Variants in LRRC75A observed in about 807,000 individuals in gnomAD.
LRRC75A encodes the protein leucine-rich repeat-containing protein 75A.
In LRRC75A, 12 loss-of-function variants were observed where a neutral mutation model predicts 26.0. The observed-to-expected ratio is 0.46, with a 90% CI of 0.30 to 0.75. The LOEUF is 0.75. Among genes scored for constraint, LRRC75A ranks in the 30% least tolerant of loss-of-function variants. The probability of loss-of-function intolerance (pLI) is 0.08; values close to 1 mark genes in which losing one functional copy is unlikely to be tolerated. For missense variants in LRRC75A, 410 were observed against 486.6 expected (o/e 0.84, Z 1.48); for synonymous variants, 223 against 219.3 (o/e 1.02, Z -0.15).
At chr17:16,446,946 G>T (rs1470523304) in intron 3 of LRRC75A, 1 of 297,398 alleles carries the variant, frequency 3.4e-6, no homozygotes, top group Non-Finnish European at 6.3e-6. Context: ...GGGGTGGGGG[G>T]CGGGTCCAGA....
intron 2 of LRRC75A, among the ~76,000 whole-genome samples, chr17:16,456,397 AAGG>A (rs751063671): frequency 7.6e-5 from 8 of 105,372 alleles, no homozygotes; most frequent in African/African-American, 2.6e-4. Flanking sequence ...GAAGAAGGAA[AAGG>A]AGGAAGAGGA....
At chr17:16,471,696 C>G (rs1468654589) in intron 1 of LRRC75A, among the ~76,000 whole-genome samples, 1 of 152,158 alleles carries the variant, frequency 6.6e-6, no homozygotes, top group Admixed American at 6.5e-5. Flanking sequence ...GTTCTCAGCT[C>G]AACATGGGAA....
In LRRC75A at chr17:16,462,133, TG is replaced by T; in HGVS notation, c.375+124del. The T allele has an allele frequency of 8.0e-7, 1 of 1,250,076 alleles. No individual in the cohort carries two copies. Among genetic ancestry groups the T allele is most frequent in the Non-Finnish European group, 1.1e-6 (1 of 909,440 alleles). 77.4% of individuals were successfully genotyped at this position (1,250,076 alleles called of 1,614,324 possible). On this transcript the variant is annotated intron_variant, in intron 2 of 3. Coordinates refer to ENST00000470794, the MANE Select transcript of LRRC75A (RefSeq NM_001113567.3). The surrounding 1 kb of genome is among the most constrained non-coding windows in gnomAD (Gnocchi z 4.6). ...GAGAGCACCTCAAGCTCTTGGTGCC[TG>T]GAGGACGGGCTTGTCCTCCTTGGGC...
chr17:16,479,575 C>A (rs969610474), intron 1 of LRRC75A, among the ~76,000 whole-genome samples: 2 of 152,214 alleles, frequency 1.3e-5, no homozygotes, highest in African/African-American at 4.8e-5. Context: ...CTAGAAGCCA[C>A]ATTCCACCTC....
At chr17:16,456,322 A>AGGAGGAAGAGG (rs2093682953) in intron 2 of LRRC75A, among the ~76,000 whole-genome samples, 1 of 36,152 alleles carries the variant, frequency 2.8e-5, no homozygotes, top group African/African-American at 1.4e-4. Flanking sequence ...GGAAGAGGAG[A>AGGAGGAAGAGG]AGAAGGAAGA....
chr17:16,450,275 G>C (rs1479527439), intron 2 of LRRC75A, among the ~76,000 whole-genome samples: 1 of 152,236 alleles, frequency 6.6e-6, no homozygotes, highest in Non-Finnish European at 1.5e-5. Flanking sequence ...AGGAGACTCT[G>C]AGGAAGGGGG....
At chr17:16,479,788 C>A (rs138332850) in intron 1 of LRRC75A, among the ~76,000 whole-genome samples, 1 of 152,198 alleles carries the variant, frequency 6.6e-6, no homozygotes, top group Non-Finnish European at 1.5e-5. Flanking sequence ...CTGCTTCCTC[C>A]AACACTAGGT....
chr17:16,458,863 T>C (rs2093706011), intron 2 of LRRC75A, among the ~76,000 whole-genome samples: 1 of 152,160 alleles, frequency 6.6e-6, no homozygotes, highest in African/African-American at 2.4e-5. Context: ...AAGCGGCCCC[T>C]GCAAACCTGA....
intron 1 of LRRC75A, among the ~76,000 whole-genome samples, chr17:16,471,220 G>A (rs906085852): frequency 1.3e-5 from 2 of 152,238 alleles, no homozygotes; most frequent in African/African-American, 4.8e-5. Flanking sequence ...AGGGAGTGAT[G>A]CGGCCACAAC....
chr17:16,484,963 TAAAAAAAAA>T (rs56383905), intron 1 of LRRC75A, among the ~76,000 whole-genome samples: 1 of 123,950 alleles, frequency 8.1e-6, no homozygotes, highest in African/African-American at 2.9e-5. Context: ...TAATAAAAGT[TAAAAAAAAA>T]AAAAAAAAGC....
chr17:16,491,282 C>T lies in LRRC75A; in HGVS notation c.246+463G>A, dbSNP rs2093856509. ...ACCTAGGGACTGGAATCTCATTGGC[C>T]CCAGGGCTGTGCCCCTGGACTCGCT... is the stretch of plus-strand genomic sequence containing the variant. On this transcript the variant is annotated intron_variant, in intron 1 of 3. Coordinates refer to ENST00000470794, the MANE Select transcript of LRRC75A (RefSeq NM_001113567.3). The surrounding 1 kb of genome is among the most constrained non-coding windows in gnomAD (Gnocchi z 5.9). Among the ~76,000 whole-genome samples, 1 of 152,212 alleles carries T rather than the reference C, an allele frequency of 6.6e-6. No homozygotes were observed. Among genetic ancestry groups the T allele is most frequent in the Non-Finnish European group, 1.5e-5 (1 of 68,030 alleles).
rs1005742162 is a variant in LRRC75A, at chr17:16,476,980, C to T, written c.247-14594G>A. Among the ~76,000 whole-genome samples the T allele has an allele frequency of 3.1e-4, 47 of 151,536 alleles. 1 individual carries two copies. Among genetic ancestry groups the T allele is most frequent in the Non-Finnish European group, 4.9e-4 (33 of 67,902 alleles). The stretch of plus-strand genomic sequence containing the variant: ...GTCTCAATCTCCTGACCTTGTGATC[C>T]GCCCGCCTTGGCCTCCCAAAGTGCT... On this transcript the variant is annotated intron_variant, in intron 1 of 3. Coordinates refer to ENST00000470794, the MANE Select transcript of LRRC75A (RefSeq NM_001113567.3).
rs1039580597 is a variant in LRRC75A, at chr17:16,442,937, A to G, written c.*651T>C. 5 of 152,330 alleles carry G rather than the reference A, an allele frequency of 3.3e-5. No homozygotes were observed. Among genetic ancestry groups the G allele is most frequent in the African/African-American group, 1.2e-4 (5 of 41,464 alleles). 9.4% of individuals were successfully genotyped at this position (152,330 alleles called of 1,614,324 possible). On this transcript the variant is annotated 3_prime_UTR_variant, in exon 4 of 4. Coordinates refer to ENST00000470794, the MANE Select transcript of LRRC75A (RefSeq NM_001113567.3). ...CCATGTCTGTCCTGAGCACTACCACATGGCATCGTAGGCTGCTCTGTCAAA... is the reference window on the plus strand; with the variant it reads ...CCATGTCTGTCCTGAGCACTACCACGTGGCATCGTAGGCTGCTCTGTCAAA...
intron 1 of LRRC75A, among the ~76,000 whole-genome samples, chr17:16,474,133 C>T (rs1436773403): frequency 6.6e-6 from 1 of 151,684 alleles, no homozygotes; most frequent in Non-Finnish European, 1.5e-5. Context: ...TTTGTCTGCT[C>T]CTCCATGGTC....
chr17:16,455,258 C>T (rs1415799857), intron 2 of LRRC75A, among the ~76,000 whole-genome samples: 1 of 151,996 alleles, frequency 6.6e-6, no homozygotes. Context: ...CTGAAAGCTC[C>T]CATGTTGCGT....
chr17:16,441,752 C>A lies in LRRC75A; in HGVS notation c.*1836G>T. On this transcript the variant is annotated 3_prime_UTR_variant, in exon 4 of 4. Coordinates refer to ENST00000470794, the MANE Select transcript of LRRC75A (RefSeq NM_001113567.3). ...AATTTTTTTTTTGTTGAGACGGATT[C>A]TCTATGTTGCCCAGGCTGGTCTCAG... 4.2e-6 allele frequency: 1 copy of A among 236,006 alleles called. No individual in the cohort carries two copies. The highest frequency in any genetic ancestry group is 8.6e-6 in the Non-Finnish European group (1 of 115,848). The allele number at this position is 236,006 out of a possible 1,614,324, so 14.6% of individuals were successfully genotyped here.
At chr17:16,446,628 C>G (rs901686620) in intron 3 of LRRC75A, among the ~76,000 whole-genome samples, 2 of 151,986 alleles carry the variant, frequency 1.3e-5, no homozygotes, top group African/African-American at 2.4e-5. Flanking sequence ...CCATGAGATT[C>G]CACCCGAGGG....
At chr17:16,477,075 G>C (rs1024593654) in intron 1 of LRRC75A, among the ~76,000 whole-genome samples, 5 of 152,130 alleles carry the variant, frequency 3.3e-5, no homozygotes, top group African/African-American at 4.8e-5. Flanking sequence ...TAGAGACCGG[G>C]GGTTTTACCA....
intron 2 of LRRC75A, among the ~76,000 whole-genome samples, chr17:16,458,609 G>A (rs534001746): frequency 8.1e-4 from 123 of 152,154 alleles, no homozygotes; most frequent in African/African-American, 2.8e-3. Flanking sequence ...GGGATTATAG[G>A]CATGCGCCAC....
Sources: allele counts gnomAD v4.1 joint callset (sites outside exome capture counted in the v4.1 genomes callset), GRCh38; gene constraint gnomAD v4.1.1; non-coding constraint Gnocchi (gnomAD v3.1); transcripts MANE v1.5; gene names NCBI Gene and HGNC (gene_info 2026-07-23, HGNC 2026-07-21).